The following ROBO1 variants were observed in gnomAD, a reference collection of about 807,000 sequenced individuals.
ROBO1 encodes roundabout guidance receptor 1.
Under a neutral mutation model 195.9 loss-of-function variants are expected in ROBO1, and 149 were observed. The observed-to-expected ratio is 0.76, with a 90% CI of 0.67 to 0.87. The LOEUF (loss-of-function observed/expected upper bound fraction) is 0.87. Ranked by LOEUF, ROBO1 falls within the 40% of genes least tolerant of loss-of-function variation. ROBO1 has a pLI of 0.00. For missense variants in ROBO1, 1,933 were observed against 2,068.3 expected (o/e 0.93, Z 1.27); for synonymous variants, 816 against 733.2 (o/e 1.11, Z -1.82).
chr3:78,986,066 A>G (rs2077099513), intron 3 of ROBO1, among the ~76,000 whole-genome samples: 1 of 152,156 alleles, frequency 6.6e-6, no homozygotes, highest in South Asian at 2.1e-4. Flanking sequence ...ATGGCATCTC[A>G]TCTTCTCCAG....
intron 2 of ROBO1, among the ~76,000 whole-genome samples, chr3:79,257,020 T>A (rs1334089178): frequency 6.6e-6 from 1 of 152,162 alleles, no homozygotes; most frequent in Non-Finnish European, 1.5e-5. Context: ...TCACAACTGG[T>A]CTTTCCATAA....
chr3:78,954,212 AGACT>A (rs1158094126), intron 3 of ROBO1, among the ~76,000 whole-genome samples: 34 of 152,198 alleles, frequency 2.2e-4, no homozygotes, highest in African/African-American at 7.5e-4. Context: ...GAAGCATCAG[AGACT>A]GACTAACTAA....
chr3:79,707,306 T>C (rs1947802372), intron 1 of ROBO1, among the ~76,000 whole-genome samples: 1 of 152,152 alleles, frequency 6.6e-6, no homozygotes, highest in South Asian at 2.1e-4. Flanking sequence ...AGTATGCCAT[T>C]ATTATCCTTT....
chr3:79,215,144 G>A (rs542578262), intron 2 of ROBO1, among the ~76,000 whole-genome samples: 1 of 152,146 alleles, frequency 6.6e-6, no homozygotes, highest in South Asian at 2.1e-4. Context: ...CAAAAACACA[G>A]TATCAAGTAA....
intron 2 of ROBO1, among the ~76,000 whole-genome samples, chr3:79,243,480 T>A (rs1157984132): frequency 2.0e-5 from 3 of 152,050 alleles, no homozygotes; most frequent in Non-Finnish European, 4.4e-5. Context: ...TTTCTCCACA[T>A]CCTCTCCAGC....
intron 4 of ROBO1, among the ~76,000 whole-genome samples, chr3:78,841,236 T>A (rs2106740677): frequency 6.6e-6 from 1 of 152,218 alleles, no homozygotes; most frequent in East Asian, 1.9e-4. Flanking sequence ...TAAATTACTG[T>A]CAACTCTCAA....
intron 8 of ROBO1, among the ~76,000 whole-genome samples, chr3:78,707,342 A>G (rs1222985311): frequency 6.6e-6 from 1 of 152,176 alleles, no homozygotes; most frequent in African/African-American, 2.4e-5. Context: ...TCAGACTCCC[A>G]GAAGCTGTCA....
chr3:79,325,222 C>T (rs1215609173), intron 2 of ROBO1, among the ~76,000 whole-genome samples: 2 of 152,118 alleles, frequency 1.3e-5, no homozygotes, highest in Admixed American at 6.5e-5. Flanking sequence ...TAAACTTTCT[C>T]CCGGCCAACA....
chr3:78,734,397 C>A (rs75431852), intron 5 of ROBO1, among the ~76,000 whole-genome samples: 17 of 134,906 alleles, frequency 1.3e-4, no homozygotes, highest in Admixed American at 2.3e-4. Flanking sequence ...CCCACCGCCA[C>A]AAAAAAAAAA....
At chr3:78,972,858 T>C (rs980458896) in intron 3 of ROBO1, among the ~76,000 whole-genome samples, 2 of 152,200 alleles carry the variant, frequency 1.3e-5, no homozygotes, top group African/African-American at 2.4e-5. Context: ...TTGGGGAAAC[T>C]GGAATCCTTC....
intron 2 of ROBO1, among the ~76,000 whole-genome samples, chr3:79,465,371 C>A (rs1336116134): frequency 6.6e-6 from 1 of 152,106 alleles, no homozygotes; most frequent in Middle Eastern, 3.2e-3. Flanking sequence ...ATTTAATTTT[C>A]TTAGTAGTGT....
chr3:78,987,137 T>A (rs2108028580), intron 3 of ROBO1, among the ~76,000 whole-genome samples: 1 of 151,468 alleles, frequency 6.6e-6, no homozygotes, highest in Admixed American at 6.6e-5. Context: ...TGCTTTTTTT[T>A]TTTTTTGTGC....
chr3:79,494,166 C>T (rs936622739), intron 2 of ROBO1, among the ~76,000 whole-genome samples: 2 of 152,106 alleles, frequency 1.3e-5, no homozygotes, highest in African/African-American at 2.4e-5. Context: ...TTTCTCCCCA[C>T]GCCCCATGCT....
chr3:79,215,395 C>A (rs946723771), intron 2 of ROBO1, among the ~76,000 whole-genome samples: 2 of 152,094 alleles, frequency 1.3e-5, no homozygotes, highest in African/African-American at 4.8e-5. Flanking sequence ...CACAGGCAAG[C>A]AGACAGCATA....
intron 2 of ROBO1, among the ~76,000 whole-genome samples, chr3:79,480,022 T>A (rs1464065273): frequency 1.3e-5 from 2 of 152,094 alleles, no homozygotes; most frequent in African/African-American, 2.4e-5. Context: ...CAAACCACAA[T>A]GAGAAAGGAA....
intron 3 of ROBO1, among the ~76,000 whole-genome samples, chr3:79,010,719 T>A (rs1221586467): frequency 6.6e-6 from 1 of 152,114 alleles, no homozygotes; most frequent in African/African-American, 2.4e-5. Flanking sequence ...AATACCACAA[T>A]GAGTTTCTTT....
At position 78,686,046 on chromosome 3, in the gene ROBO1, T is replaced by C. The variant is rs141602630; in HGVS notation, c.1171-129A>G. On this transcript the variant is annotated intron_variant, in intron 9 of 30. Coordinates refer to ENST00000464233, the MANE Select transcript of ROBO1 (RefSeq NM_002941.4). ...GTATTCATACACATATGCATATGTATCCGTCTATATACACACACAAAAATG... is the reference window on the plus strand; with the variant it reads ...GTATTCATACACATATGCATATGTACCCGTCTATATACACACACAAAAATG... 11 of 720,112 alleles carry C rather than the reference T, an allele frequency of 1.5e-5. No individual in the cohort carries two copies. In the East Asian group the frequency reaches 2.7e-4, roughly 18 times the overall value. 44.6% of individuals were successfully genotyped at this position (720,112 alleles called of 1,614,324 possible).
At chr3:79,310,333 G>A (rs541162413) in intron 2 of ROBO1, among the ~76,000 whole-genome samples, 19 of 152,256 alleles carry the variant, frequency 1.2e-4, no homozygotes, top group Middle Eastern at 3.4e-3. Flanking sequence ...GAAAGTGTGC[G>A]CCCTCACCTT....
intron 2 of ROBO1, among the ~76,000 whole-genome samples, chr3:79,486,289 G>A (rs1337231896): frequency 6.6e-6 from 1 of 150,544 alleles, no homozygotes; most frequent in African/African-American, 2.4e-5. Flanking sequence ...TGATCTCCTT[G>A]TGGTGTATTA....
Sources: gnomAD v4.1 joint callset for allele counts (sites outside exome capture counted in the v4.1 genomes callset) on GRCh38, gnomAD v4.1.1 for gene constraint, MANE v1.5 for transcripts, NCBI Gene and HGNC (gene_info 2026-07-23, HGNC 2026-07-21) for gene names.